NR3C1: variants seen among roughly 807,000 people sequenced by gnomAD.
NR3C1 encodes glucocorticoid receptor.
In NR3C1, 14 loss-of-function variants were observed where a neutral mutation model predicts 74.0. That is an observed-to-expected ratio of 0.19 (90% CI 0.12 to 0.30). NR3C1 has a LOEUF of 0.30. Among genes scored for constraint, NR3C1 ranks in the 10% least tolerant of loss-of-function variants. The pLI is 1.00. For missense variants in NR3C1, 695 were observed against 909.8 expected, an observed-to-expected ratio of 0.76 and a Z score of 3.04; for synonymous variants, 308 against 332.5, an observed-to-expected ratio of 0.93 and a Z score of 0.80.
intron 1 of NR3C1, among the ~76,000 whole-genome samples, chr5:143,419,429 C>T (rs1270942666): frequency 2.0e-5 from 3 of 152,066 alleles, no homozygotes; most frequent in African/African-American, 4.8e-5. Context: ...TGGGGAGTAT[C>T]GGGGAACCTG....
At chr5:143,287,408 A>G (rs1056339477) in intron 7 of NR3C1, among the ~76,000 whole-genome samples, 2 of 152,156 alleles carry the variant, frequency 1.3e-5, no homozygotes, top group Non-Finnish European at 2.9e-5. Flanking sequence ...TGCCCAAGTT[A>G]GACAACTCAG....
intron 2 of NR3C1, among the ~76,000 whole-genome samples, chr5:143,364,994 A>C (rs1307693005): frequency 6.6e-6 from 1 of 152,212 alleles, no homozygotes; most frequent in Non-Finnish European, 1.5e-5. Flanking sequence ...GGCATGAGCC[A>C]CTGTGCCCAA....
chr5:143,369,763 A>G (rs924022178), intron 2 of NR3C1, among the ~76,000 whole-genome samples: 1 of 152,230 alleles, frequency 6.6e-6, no homozygotes, highest in Non-Finnish European at 1.5e-5. Context: ...TCAATAGTCC[A>G]GAGGTTGAGA....
At chr5:143,397,312 A>T (rs1192243233) in intron 2 of NR3C1, among the ~76,000 whole-genome samples, 1 of 151,932 alleles carries the variant, frequency 6.6e-6, no homozygotes, top group Admixed American at 6.6e-5. Flanking sequence ...TCAGAAGGTC[A>T]GTATTCAAGT....
At chr5:143,433,468 A>ATATATATAATTTATT (rs1751966270) in intron 1 of NR3C1, among the ~76,000 whole-genome samples, 1 of 38,338 alleles carries the variant, frequency 2.6e-5, no homozygotes, top group African/African-American at 7.4e-5. Context: ...ATATATATAT[A>ATATATATAATTTATT]TATTTAATTT....
chr5:143,405,018 C>T, upstream of NR3C1: 2 of 646,254 alleles, frequency 3.1e-6, no homozygotes, highest in Non-Finnish European at 3.8e-6. Context: ...GGGAAGGGAA[C>T]TCGTGGTCCG....
chr5:143,317,628 A>G (rs1353286879), intron 2 of NR3C1, among the ~76,000 whole-genome samples: 1 of 152,190 alleles, frequency 6.6e-6, no homozygotes, highest in Non-Finnish European at 1.5e-5. Context: ...CAGAGAGAGA[A>G]AACCATGCAT....
intron 4 of NR3C1, among the ~76,000 whole-genome samples, chr5:143,309,772 G>T (rs1287291261): frequency 6.6e-6 from 1 of 152,186 alleles, no homozygotes; most frequent in Non-Finnish European, 1.5e-5. Flanking sequence ...CTAGGGAATA[G>T]TTTTGAGGCT....
chr5:143,365,072 C>CA (rs1832952363), intron 2 of NR3C1, among the ~76,000 whole-genome samples: 1 of 151,608 alleles, frequency 6.6e-6, no homozygotes, highest in Admixed American at 6.6e-5. Context: ...AAACATACAA[C>CA]AAAAGAAATG....
At chr5:143,361,124 T>C (rs1414442104) in intron 2 of NR3C1, among the ~76,000 whole-genome samples, 1 of 152,246 alleles carries the variant, frequency 6.6e-6, no homozygotes, top group Non-Finnish European at 1.5e-5. Flanking sequence ...TTTCTTAACT[T>C]AGGCAACAGC....
chr5:143,393,166 T>A (rs1838594771), intron 2 of NR3C1, among the ~76,000 whole-genome samples: 1 of 152,182 alleles, frequency 6.6e-6, no homozygotes, highest in Admixed American at 6.5e-5. Context: ...TTTTTATATA[T>A]CACCAACTAC....
intron 2 of NR3C1, among the ~76,000 whole-genome samples, chr5:143,374,288 C>T (rs1209094216): frequency 3.3e-5 from 5 of 151,966 alleles, no homozygotes; most frequent in Admixed American, 1.3e-4. Context: ...GTCAGGAGAT[C>T]GGGACCATCC....
upstream of NR3C1, among the ~76,000 whole-genome samples, chr5:143,408,429 A>G (rs1267465705): frequency 1.3e-5 from 2 of 152,098 alleles, no homozygotes; most frequent in Non-Finnish European, 2.9e-5. Flanking sequence ...TAGAATTACT[A>G]TTTTCCCCCT....
At chr5:143,407,840 C>CTT (rs1488785728), upstream of NR3C1, among the ~76,000 whole-genome samples, 1 of 152,164 alleles carries the variant, frequency 6.6e-6, no homozygotes, top group Non-Finnish European at 1.5e-5. Context: ...GGCTGTGCTC[C>CTT]TTCTCAAGTA....
intron 2 of NR3C1, among the ~76,000 whole-genome samples, chr5:143,321,593 C>T (rs1300373042): frequency 6.6e-6 from 1 of 152,208 alleles, no homozygotes; most frequent in Non-Finnish European, 1.5e-5. Flanking sequence ...GGCTCCTCCA[C>T]TGTTTATAGT....
At chr5:143,423,481 G>A (rs1006291394) in intron 1 of NR3C1, among the ~76,000 whole-genome samples, 5 of 152,056 alleles carry the variant, frequency 3.3e-5, no homozygotes, top group African/African-American at 1.2e-4. Context: ...GGAGAAAGGG[G>A]AACCCTCATA....
intron 2 of NR3C1, chr5:143,332,722 A>C: frequency 6.3e-7 from 1 of 1,586,008 alleles, no homozygotes; most frequent in Non-Finnish European, 8.6e-7. Flanking sequence ...CTAGAAGTGA[A>C]ACCTCATGCC....
At chr5:143,323,845 A>G (rs2151663542) in intron 2 of NR3C1, among the ~76,000 whole-genome samples, 1 of 152,264 alleles carries the variant, frequency 6.6e-6, no homozygotes, top group East Asian at 1.9e-4. Flanking sequence ...GAAATTGGCC[A>G]AAACAAAGGG....
intron 2 of NR3C1, among the ~76,000 whole-genome samples, chr5:143,367,589 T>C (rs984970161): frequency 1.3e-5 from 2 of 152,306 alleles, no homozygotes. Context: ...CAAAAATCAG[T>C]TGCATTACTA....
Sources: gnomAD v4.1 joint callset for allele counts (sites outside exome capture counted in the v4.1 genomes callset) on GRCh38, gnomAD v4.1.1 for gene constraint, MANE v1.5 for transcripts, NCBI Gene and HGNC (gene_info 2026-07-23, HGNC 2026-07-21) for gene names.